CADM2: variants seen among roughly 807,000 people sequenced by gnomAD.
CADM2 encodes immunoglobulin superfamily member 4D.
Under a neutral mutation model 49.8 loss-of-function variants are expected in CADM2, and 12 were observed. That is an observed-to-expected ratio of 0.24 (90% CI 0.15 to 0.39). The LOEUF (loss-of-function observed/expected upper bound fraction) is 0.39, where lower values mean the gene tolerates loss of function less well. Ranked by LOEUF, CADM2 falls within the 10% of genes least tolerant of loss-of-function variation. The probability of loss-of-function intolerance (pLI) is 1.00; values close to 1 mark genes in which losing one functional copy is unlikely to be tolerated. For synonymous variants in CADM2, 214 were observed against 175.4 expected, an observed-to-expected ratio of 1.22 and a Z score of -1.74; for missense variants, 378 against 492.3, an observed-to-expected ratio of 0.77 and a Z score of 2.20.
intron 1 of CADM2, among the ~76,000 whole-genome samples, chr3:85,055,149 T>C (rs936802984): frequency 3.3e-5 from 5 of 151,930 alleles, no homozygotes; most frequent in Non-Finnish European, 7.4e-5. Context: ...TTCTTACTCG[T>C]AATAATGAAC....
intron 1 of CADM2, among the ~76,000 whole-genome samples, chr3:85,170,400 G>A (rs1019698633): frequency 6.6e-6 from 1 of 150,874 alleles, no homozygotes; most frequent in Non-Finnish European, 1.5e-5. Flanking sequence ...GTGCAGTGGC[G>A]CGATCTCAGC....
At chr3:85,909,292 A>G (rs1027368666) in intron 5 of CADM2, among the ~76,000 whole-genome samples, 1 of 152,044 alleles carries the variant, frequency 6.6e-6, no homozygotes, top group African/African-American at 2.4e-5. Flanking sequence ...TGAAAGAAAG[A>G]AATTCTGAAA....
At chr3:85,105,451 T>G (rs1028411604) in intron 1 of CADM2, among the ~76,000 whole-genome samples, 2 of 152,046 alleles carry the variant, frequency 1.3e-5, no homozygotes, top group Admixed American at 6.6e-5. Flanking sequence ...AAACAACAGG[T>G]GCTGGAGAGG....
chr3:85,070,373 C>T (rs2036683107), intron 1 of CADM2, among the ~76,000 whole-genome samples: 1 of 152,122 alleles, frequency 6.6e-6, no homozygotes, highest in Admixed American at 6.5e-5. Context: ...AGCTATACTT[C>T]ATATCAAATT....
chr3:85,074,637 G>A (rs975885503), intron 1 of CADM2, among the ~76,000 whole-genome samples: 2 of 152,102 alleles, frequency 1.3e-5, no homozygotes, highest in South Asian at 2.1e-4. Context: ...TTTGCAACCT[G>A]AGGTAGCAAC....
chr3:85,805,815 G>T (rs1293161802), intron 3 of CADM2, among the ~76,000 whole-genome samples: 1 of 152,112 alleles, frequency 6.6e-6, no homozygotes, highest in Non-Finnish European at 1.5e-5. Flanking sequence ...ATGAGAGCAA[G>T]AGAGAAAAGG....
At chr3:85,490,760 G>A (rs984859464) in intron 1 of CADM2, among the ~76,000 whole-genome samples, 1 of 151,534 alleles carries the variant, frequency 6.6e-6, no homozygotes, top group African/African-American at 2.4e-5. Context: ...TAAATACCTA[G>A]CAAGGAAAAT....
chr3:85,840,381 C>G (rs149149711), intron 3 of CADM2, among the ~76,000 whole-genome samples: 17 of 151,838 alleles, frequency 1.1e-4, no homozygotes, highest in Non-Finnish European at 2.1e-4. Context: ...AAAGCGGTCA[C>G]CTAAGACTTA....
intron 2 of CADM2, among the ~76,000 whole-genome samples, chr3:85,788,206 G>T (rs1013290034): frequency 6.6e-6 from 1 of 152,036 alleles, no homozygotes; most frequent in African/African-American, 2.4e-5. Flanking sequence ...TAATGTCATT[G>T]AGGTATATTT....
intron 7 of CADM2, among the ~76,000 whole-genome samples, chr3:85,954,501 G>A (rs1293124900): frequency 6.6e-6 from 1 of 150,870 alleles, no homozygotes; most frequent in African/African-American, 2.4e-5. Context: ...CTTTTAGATT[G>A]CTTTGTATTT....
chr3:85,799,913 G>A (rs1024477418), intron 2 of CADM2: 2 of 152,352 alleles, frequency 1.3e-5, no homozygotes, highest in Admixed American at 1.3e-4. Context: ...TTCGAGCATT[G>A]TGCTGGAAGA....
At chr3:85,052,588 T>C (rs1343001892) in intron 1 of CADM2, among the ~76,000 whole-genome samples, 2 of 152,084 alleles carry the variant, frequency 1.3e-5, no homozygotes, top group Non-Finnish European at 2.9e-5. Context: ...ATTGGTCTAA[T>C]CCAATGCCAT....
intron 1 of CADM2, among the ~76,000 whole-genome samples, chr3:84,984,379 A>C (rs917761663): frequency 3.1e-5 from 4 of 130,282 alleles, no homozygotes; most frequent in Non-Finnish European, 6.9e-5. Flanking sequence ...AAAAAAAAAA[A>C]AAAAAACACT....
At chr3:86,037,652 T>A (rs1197359950) in intron 8 of CADM2, among the ~76,000 whole-genome samples, 1 of 151,566 alleles carries the variant, frequency 6.6e-6, no homozygotes, top group Non-Finnish European at 1.5e-5. Flanking sequence ...ATTATAAAGT[T>A]CTTAAACATT....
At chr3:85,460,597 T>A (rs2038200678) in intron 1 of CADM2, among the ~76,000 whole-genome samples, 1 of 152,214 alleles carries the variant, frequency 6.6e-6, no homozygotes, top group African/African-American at 2.4e-5. Flanking sequence ...TGATATTTTA[T>A]ATTTTGTTTT....
At chr3:85,762,170 CCTTA>C (rs1158798078) in intron 2 of CADM2, among the ~76,000 whole-genome samples, 5 of 151,986 alleles carry the variant, frequency 3.3e-5, no homozygotes, top group Admixed American at 3.3e-4. Flanking sequence ...TCAGAAACCC[CCTTA>C]CTTAAGGGAG....
At chr3:85,072,125 TAAG>T (rs1468819125) in intron 1 of CADM2, among the ~76,000 whole-genome samples, 1 of 151,762 alleles carries the variant, frequency 6.6e-6, no homozygotes, top group Non-Finnish European at 1.5e-5. Context: ...TTCCAAATAA[TAAG>T]ATTTAATAAT....
chr3:86,057,814 T>C (rs906326761), intron 8 of CADM2, among the ~76,000 whole-genome samples: 1 of 152,124 alleles, frequency 6.6e-6, no homozygotes, highest in Non-Finnish European at 1.5e-5. Flanking sequence ...TGGATGGGCA[T>C]TGGATTCTCC....
At chr3:85,064,301 C>T (rs74615078) in intron 1 of CADM2, among the ~76,000 whole-genome samples, 1 of 152,074 alleles carries the variant, frequency 6.6e-6, no homozygotes, top group South Asian at 2.1e-4. Context: ...AATATTGGAA[C>T]ACATATTCTA....
Sources: allele counts gnomAD v4.1 joint callset (sites outside exome capture counted in the v4.1 genomes callset), GRCh38; gene constraint gnomAD v4.1.1; transcripts MANE v1.5; gene names NCBI Gene and HGNC (gene_info 2026-07-23, HGNC 2026-07-21).